DR1: variants seen among roughly 807,000 people sequenced by gnomAD.
DR1 encodes protein Dr1.
DR1 carries 7 observed loss-of-function variants against 19.9 expected under a neutral mutation model. The ratio of observed to expected loss-of-function variants is 0.35; its 90% CI spans 0.20 to 0.66. The LOEUF (loss-of-function observed/expected upper bound fraction) is 0.66. DR1 is among the 30% of genes least tolerant of loss of function. DR1 has a pLI of 0.66. For missense variants in DR1, 98 were observed against 203.7 expected (o/e 0.48, Z 3.16); for synonymous variants, 76 against 72.5 (o/e 1.05, Z -0.24).
intron 1 of DR1, among the ~76,000 whole-genome samples, chr1:93,349,087 G>A (rs755384413): frequency 2.0e-5 from 3 of 151,916 alleles, no homozygotes; most frequent in Non-Finnish European, 2.9e-5. Context: ...TTGAAGTTTG[G>A]GTTTTTAGTG....
At chr1:93,347,936 C>G (rs1666872710) in intron 1 of DR1, among the ~76,000 whole-genome samples, 1 of 151,960 alleles carries the variant, frequency 6.6e-6, no homozygotes, top group South Asian at 2.1e-4. Flanking sequence ...TAATTTTAAT[C>G]ATTTTGATAG....
At chr1:93,356,798 T>A (rs2101638438) in intron 2 of DR1, among the ~76,000 whole-genome samples, 1 of 152,038 alleles carries the variant, frequency 6.6e-6, no homozygotes, top group East Asian at 1.9e-4. Flanking sequence ...CTCGGCTCAT[T>A]GCAACCTCCG....
chr1:93,359,892 G>T (rs1231371367), intron 2 of DR1, among the ~76,000 whole-genome samples: 1 of 152,126 alleles, frequency 6.6e-6, no homozygotes, highest in Admixed American at 6.6e-5. Flanking sequence ...GCAAATGTGT[G>T]TACTTACAGA....
chr1:93,355,077 T>A (rs922106774), intron 2 of DR1: 1 of 152,186 alleles, frequency 6.6e-6, no homozygotes, highest in Non-Finnish European at 1.5e-5. Flanking sequence ...GAGGTGTTGA[T>A]GTTTTAAAAA....
At chr1:93,355,007 T>G (rs1386838429) in intron 2 of DR1, 1 of 152,196 alleles carries the variant, frequency 6.6e-6, no homozygotes, top group African/African-American at 2.4e-5. Flanking sequence ...GGAAAAGCCT[T>G]TGAAGCAGGC....
rs1402469776 is a variant in DR1 at position 93,362,942 on chromosome 1, AAT to A, written c.*2305_*2306del. The A allele has an allele frequency of 1.3e-5, 2 of 150,626 alleles. No homozygotes were observed. The highest frequency in any genetic ancestry group is 3.0e-5 in the Non-Finnish European group (2 of 67,748). The allele number at this position is 150,626 out of a possible 1,614,324, so 9.3% of individuals were successfully genotyped here. Reference sequence around the variant, plus strand: ...AACAAAATCTTCAGCGTTCTTGAGAAATAAAATTATTGTTCAGTAAGTATTTT... The same window carrying A: ...AACAAAATCTTCAGCGTTCTTGAGAAAAAATTATTGTTCAGTAAGTATTTT... On this transcript the variant is annotated 3_prime_UTR_variant, in exon 3 of 3. Coordinates refer to ENST00000370272, the MANE Select transcript of DR1 (RefSeq NM_001938.3).
chr1:93,357,740 T>C (rs978261661), intron 2 of DR1, among the ~76,000 whole-genome samples: 3 of 152,144 alleles, frequency 2.0e-5, no homozygotes, highest in Admixed American at 6.5e-5. Flanking sequence ...GTTACTTGGA[T>C]AGCTTTCCCC....
intron 2 of DR1, among the ~76,000 whole-genome samples, 182 bp from the exon 3 acceptor site, chr1:93,360,311 C>G (rs996670190): frequency 3.3e-5 from 5 of 152,068 alleles, no homozygotes; most frequent in African/African-American, 1.2e-4. Context: ...AAAAAGCAAT[C>G]TCTAATTATA....
At chr1:93,348,582 T>C (rs1488038151) in intron 1 of DR1, among the ~76,000 whole-genome samples, 1 of 152,076 alleles carries the variant, frequency 6.6e-6, no homozygotes, top group Non-Finnish European at 1.5e-5. Context: ...CATGATGGAA[T>C]AGAAGTGCAG....
Position 93,353,897 on chromosome 1 carries a change from C to A in DR1, c.221-11C>A. The A allele has an allele frequency of 1.3e-6, 2 of 1,582,156 alleles. No individual in the cohort carries two copies. Among genetic ancestry groups the A allele is most frequent in the South Asian group, 1.2e-5 (1 of 85,162 alleles). On this transcript the variant is annotated splice_polypyrimidine_tract_variant and intron_variant, in intron 1 of 2. Coordinates refer to ENST00000370272, the MANE Select transcript of DR1 (RefSeq NM_001938.3). ...TCACCCTTTCATATTTTAATATTTTCATTTCTCTAGCACTAGAAAGTTTGG... is the reference window on the plus strand; with the variant it reads ...TCACCCTTTCATATTTTAATATTTTAATTTCTCTAGCACTAGAAAGTTTGG...
In DR1 at chr1:93,346,626, G is replaced by T. The variant is rs141828987; in HGVS notation, c.-20G>T. The T allele has an allele frequency of 2.5e-6, 4 of 1,607,194 alleles. No homozygotes were observed. The Admixed American group carries it at 6.7e-5, about 27-fold the overall frequency. ...CTGGGGAGTTTTTAAAAGCCGGGGCGCGAGAAACAGGAAGGTACTATGGCT... is the reference window on the plus strand; with the variant it reads ...CTGGGGAGTTTTTAAAAGCCGGGGCTCGAGAAACAGGAAGGTACTATGGCT... On this transcript the variant is annotated 5_prime_UTR_variant, in exon 1 of 3. Transcript: ENST00000370272.
rs1667196800 is a variant in DR1 at position 93,368,572 on chromosome 1, T to G, written c.*7933T>G. The G allele has an allele frequency of 6.6e-6, 1 of 152,222 alleles. No homozygotes were observed. The highest frequency in any genetic ancestry group is 1.5e-5 in the Non-Finnish European group (1 of 68,036). 9.4% of individuals were successfully genotyped at this position (152,222 alleles called of 1,614,324 possible). On this transcript the variant is annotated 3_prime_UTR_variant, in exon 3 of 3. Transcript: ENST00000370272. ...AAATGGTCTGATTATGCAAATACCT[T>G]CTAATACGTTTGTTTCTTTTGTTGT... is the stretch of plus-strand genomic sequence containing the variant.
intron 2 of DR1, among the ~76,000 whole-genome samples, chr1:93,358,856 C>T (rs1288882285): frequency 6.6e-6 from 1 of 152,124 alleles, no homozygotes; most frequent in Non-Finnish European, 1.5e-5. Context: ...TGATTATACA[C>T]TGACTGATGC....
In DR1 at chr1:93,360,710, G is replaced by C. The variant is rs1667041326; in HGVS notation, c.*71G>C. ...GCACAACAAAAACAGTGAAAGAAATGCTTATCTGTAATTTTGTATGCATCT... is the reference window on the plus strand; with the variant it reads ...GCACAACAAAAACAGTGAAAGAAATCCTTATCTGTAATTTTGTATGCATCT... On this transcript the variant is annotated 3_prime_UTR_variant, in exon 3 of 3. Transcript: ENST00000370272. 1 of 1,516,012 alleles carries C rather than the reference G, an allele frequency of 6.6e-7. No individual in the cohort carries two copies. Among genetic ancestry groups the C allele is most frequent in the South Asian group, 1.3e-5 (1 of 77,978 alleles). 93.9% of individuals were successfully genotyped at this position (1,516,012 alleles called of 1,614,324 possible). A position where few individuals can be genotyped will look rare whatever the true frequency, so the allele number is the denominator to read the frequency against.
rs1321801134 is a variant in DR1 at position 93,361,064 on chromosome 1, C to T, written c.*425C>T. 1 of 163,614 alleles carries T rather than the reference C, an allele frequency of 6.1e-6. No homozygotes were observed. Among genetic ancestry groups the T allele is most frequent in the Non-Finnish European group, 1.3e-5 (1 of 76,752 alleles). 10.1% of individuals were successfully genotyped at this position (163,614 alleles called of 1,614,324 possible). ...ATTAAGGGGGGGGTGCTGTGTGAAT[C>T]AGTAGACATTGGATTGGGTTGGTGA... On this transcript the variant is annotated 3_prime_UTR_variant, in exon 3 of 3. Transcript: ENST00000370272.
At chr1:93,354,154 C>A in intron 2 of DR1, 83 bp downstream of exon 2, 2 of 1,326,876 alleles carry the variant, frequency 1.5e-6, no homozygotes, top group Non-Finnish European at 2.1e-6. Flanking sequence ...ACAGACATAC[C>A]CAGAGGATTC....
rs1168793482 is a variant in DR1, at chr1:93,367,050, T to C, written c.*6411T>C. 6.6e-6 allele frequency: 1 copy of C among 152,000 alleles called. No individual in the cohort carries two copies. The highest frequency in any genetic ancestry group is 2.4e-5 in the African/African-American group (1 of 41,326). 9.4% of individuals were successfully genotyped at this position (152,000 alleles called of 1,614,324 possible). On this transcript the variant is annotated 3_prime_UTR_variant, in exon 3 of 3. Coordinates refer to ENST00000370272, the MANE Select transcript of DR1 (RefSeq NM_001938.3). ...GCCCCAAATGTTTATGGGGTTGTTA[T>C]TGATAAACCCTGCATTAAACAATCC...
chr1:93,354,212 A>G (rs1666951390), intron 2 of DR1, 141 bp downstream of exon 2: 2 of 716,774 alleles, frequency 2.8e-6, no homozygotes, highest in Non-Finnish European at 4.3e-6. Flanking sequence ...AGAGCTGACC[A>G]ATTTGACTCT....
rs1401034825 is a variant in DR1 at position 93,361,297 on chromosome 1, A to G, written c.*658A>G. On this transcript the variant is annotated 3_prime_UTR_variant, in exon 3 of 3. Transcript: ENST00000370272. ...TGTTTTGTGTAGAGGTAAAAACTATAGTTTTATTACAGCATAATTCATTTT... is the reference window on the plus strand; with the variant it reads ...TGTTTTGTGTAGAGGTAAAAACTATGGTTTTATTACAGCATAATTCATTTT... 2.0e-5 allele frequency: 3 copies of G among 152,554 alleles called. No individual in the cohort carries two copies. The highest frequency in any genetic ancestry group is 4.4e-5 in the Non-Finnish European group (3 of 67,982). The allele number at this position is 152,554 out of a possible 1,614,324, so 9.5% of individuals were successfully genotyped here.
Sources: gnomAD v4.1 joint callset for allele counts (sites outside exome capture counted in the v4.1 genomes callset) on GRCh38, gnomAD v4.1.1 for gene constraint, MANE v1.5 for transcripts, NCBI Gene and HGNC (gene_info 2026-07-23, HGNC 2026-07-21) for gene names.